The following ETV6 variants were observed in gnomAD, a reference collection of about 807,000 sequenced individuals.
ETV6 encodes transcription factor ETV6.
ETV6 carries 16 observed loss-of-function variants against 51.1 expected under a neutral mutation model. The ratio of observed to expected loss-of-function variants is 0.31; its 90% CI spans 0.21 to 0.48. ETV6 has a LOEUF of 0.48. ETV6 is among the 20% of genes least tolerant of loss of function. The pLI, the probability that ETV6 is intolerant of heterozygous loss-of-function variation, is 0.99. For missense variants in ETV6, 458 were observed against 594.8 expected, an observed-to-expected ratio of 0.77 and a Z score of 2.39; for synonymous variants, 240 against 224.1, an observed-to-expected ratio of 1.07 and a Z score of -0.64.
intron 2 of ETV6, among the ~76,000 whole-genome samples, chr12:11,777,751 C>T (rs1459431365): frequency 1.3e-5 from 2 of 152,064 alleles, no homozygotes; most frequent in East Asian, 3.9e-4. Flanking sequence ...CCCCCTGACC[C>T]ACCTCCACCC....
chr12:11,797,492 C>T (rs1945696183), intron 2 of ETV6, among the ~76,000 whole-genome samples: 1 of 152,160 alleles, frequency 6.6e-6, no homozygotes. Flanking sequence ...GGTCATAGGA[C>T]TTCTGTTATT....
Position 11,678,899 on chromosome 12 carries a change from G to GTCTTGT in ETV6, c.33+28749_33+28754dup, listed in dbSNP as rs371364086. On this transcript the variant is annotated intron_variant, in intron 1 of 7. Transcript: ENST00000396373. Reference sequence around the variant, plus strand: ...ACTGGTGAATTCTTCCTTCCTCTGCGTCTTGTTCTTGTTCTGTTCAGGCCC... The same window carrying GTCTTGT: ...ACTGGTGAATTCTTCCTTCCTCTGCGTCTTGTTCTTGTTCTTGTTCTGTTCAGGCCC... Among the ~76,000 whole-genome samples, 448 of 152,228 alleles carry GTCTTGT rather than the reference G, an allele frequency of 2.9e-3. 3 individuals carry two copies. The highest frequency in any genetic ancestry group is 0.01 in the African/African-American group (429 of 41,522).
intron 2 of ETV6, among the ~76,000 whole-genome samples, chr12:11,764,401 T>C (rs1337287834): frequency 6.6e-6 from 1 of 152,212 alleles, no homozygotes; most frequent in Non-Finnish European, 1.5e-5. Context: ...TGGCCATTGC[T>C]CTCAAGACAT....
chr12:11,722,009 G>A (rs986849702), intron 1 of ETV6, among the ~76,000 whole-genome samples: 1 of 152,174 alleles, frequency 6.6e-6, no homozygotes, highest in African/African-American at 2.4e-5. Context: ...GGTATCATAG[G>A]TTACCTCTGT....
intron 1 of ETV6, among the ~76,000 whole-genome samples, chr12:11,653,833 A>G (rs1863951744): frequency 6.6e-6 from 1 of 151,922 alleles, no homozygotes; most frequent in Non-Finnish European, 1.5e-5. Context: ...TTTTTTTTGG[A>G]GACAGAGTCT....
At chr12:11,709,876 C>T (rs1332020556) in intron 1 of ETV6, among the ~76,000 whole-genome samples, 1 of 152,108 alleles carries the variant, frequency 6.6e-6, no homozygotes, top group African/African-American at 2.4e-5. Flanking sequence ...GGCTTGTCTG[C>T]CTCTATAAGC....
At chr12:11,752,712 C>G in intron 2 of ETV6, 133 bp downstream of exon 2, 1 of 1,176,584 alleles carries the variant, frequency 8.5e-7, no homozygotes. Flanking sequence ...GCTTTGGAAT[C>G]TTTCACACCC....
intron 1 of ETV6, among the ~76,000 whole-genome samples, chr12:11,717,079 C>T (rs545995866): frequency 1.3e-3 from 203 of 152,318 alleles, no homozygotes; most frequent in African/African-American, 4.5e-3. Flanking sequence ...ATAGATGCTT[C>T]CCCTGAGCCT....
intron 1 of ETV6, among the ~76,000 whole-genome samples, chr12:11,681,688 A>G (rs1286556272): frequency 6.6e-6 from 1 of 152,120 alleles, no homozygotes; most frequent in African/African-American, 2.4e-5. Context: ...CCCGTCATCT[A>G]CATTAGGTAT....
chr12:11,672,051 G>A (rs886811432), intron 1 of ETV6, among the ~76,000 whole-genome samples: 1 of 150,758 alleles, frequency 6.6e-6, no homozygotes, highest in Non-Finnish European at 1.5e-5. Context: ...GAACTAGGAT[G>A]TACGCATAAA....
chr12:11,883,276 C>CTTTTTT lies in ETV6; in HGVS notation c.1010-1139_1010-1134dup, dbSNP rs547786286. Among the ~76,000 whole-genome samples the CTTTTTT allele has an allele frequency of 1.6e-3, 127 of 79,054 alleles. 5 individuals are homozygous for CTTTTTT. Among genetic ancestry groups the CTTTTTT allele is most frequent in the East Asian group, 6.6e-3 (17 of 2,586 alleles). The allele number at this position is 79,054 out of a possible 152,430, so 51.9% of individuals were successfully genotyped here. On this transcript the variant is annotated intron_variant, in intron 5 of 7. Transcript: ENST00000396373. ...GGGAAGGTGTACATCATGTCTTCTT[C>CTTTTTT]TTTTTTTTTTTTTTTTTTTTTTTTT...
chr12:11,867,388 A>G (rs1360687136), intron 4 of ETV6, among the ~76,000 whole-genome samples: 1 of 152,224 alleles, frequency 6.6e-6, no homozygotes, highest in Admixed American at 6.5e-5. Flanking sequence ...TTTTAGAGAT[A>G]TATACTATAA....
intron 2 of ETV6, among the ~76,000 whole-genome samples, chr12:11,763,431 T>G (rs1945120922): frequency 6.6e-6 from 1 of 152,202 alleles, no homozygotes; most frequent in Non-Finnish European, 1.5e-5. Flanking sequence ...TTGAGACTCA[T>G]GGGTTATAAA....
chr12:11,686,157 G>T (rs1476943560), intron 1 of ETV6, among the ~76,000 whole-genome samples: 1 of 152,188 alleles, frequency 6.6e-6, no homozygotes, highest in Non-Finnish European at 1.5e-5. Context: ...AAAAGCTGTG[G>T]ATAGTTTTGC....
Position 11,878,842 on chromosome 12 carries a change from A to C in ETV6, c.1010-5603A>C, listed in dbSNP as rs572371668. ...GAGGAGGAGGGGAAAAAAAAAAAAA[A>C]CAAGCAGCAGATGGCCCCCTGAATG... On this transcript the variant is annotated intron_variant, in intron 5 of 7. Transcript: ENST00000396373. Among the ~76,000 whole-genome samples the C allele has an allele frequency of 6.6e-4, 99 of 149,922 alleles. 3 individuals are homozygous for C. Among genetic ancestry groups the C allele is most frequent in the African/African-American group, 2.2e-3 (90 of 40,896 alleles).
intron 2 of ETV6, among the ~76,000 whole-genome samples, chr12:11,784,956 C>A (rs73292409): frequency 6.7e-6 from 1 of 149,818 alleles, no homozygotes; most frequent in Non-Finnish European, 1.5e-5. Flanking sequence ...ATCCTCCTAC[C>A]GCAGCCTCCC....
chr12:11,733,514 C>T (rs769662369), intron 1 of ETV6, among the ~76,000 whole-genome samples: 7 of 151,862 alleles, frequency 4.6e-5, no homozygotes, highest in South Asian at 2.1e-4. Context: ...CCTTTCTCTT[C>T]GGTTTAATTC....
At chr12:11,879,101 T>A (rs910398587) in intron 5 of ETV6, among the ~76,000 whole-genome samples, 2 of 152,174 alleles carry the variant, frequency 1.3e-5, no homozygotes, top group African/African-American at 4.8e-5. Context: ...CAACTTTTTT[T>A]TTCATATGCT....
At chr12:11,728,431 CA>C (rs1193018604) in intron 1 of ETV6, among the ~76,000 whole-genome samples, 3 of 152,102 alleles carry the variant, frequency 2.0e-5, no homozygotes, top group Non-Finnish European at 4.4e-5. Context: ...TCAGTGGCAG[CA>C]TTAGATTCTC....
Sources: gnomAD v4.1 joint callset for allele counts (sites outside exome capture counted in the v4.1 genomes callset) on GRCh38, gnomAD v4.1.1 for gene constraint, MANE v1.5 for transcripts, NCBI Gene and HGNC (gene_info 2026-07-23, HGNC 2026-07-21) for gene names.